The following CSMD1 variants were observed in gnomAD, a reference collection of about 807,000 sequenced individuals.
The protein encoded by CSMD1 is CUB and Sushi multiple domains 1, also known as CUB and sushi domain-containing protein 1.
In CSMD1, 213 loss-of-function variants were observed where a neutral mutation model predicts 417.5. The ratio of observed to expected loss-of-function variants is 0.51; its 90% CI spans 0.46 to 0.57. CSMD1 has a LOEUF of 0.57. CSMD1 is among the 20% of genes least tolerant of loss of function. The pLI is 0.00. For synonymous variants in CSMD1, 2,862 were observed against 1,736.8 expected (o/e 1.65, Z -16.11); for missense variants, 6,923 against 4,529.7 (o/e 1.53, Z -15.17).
At chr8:3,137,423 G>C (rs954399733) in intron 41 of CSMD1, among the ~76,000 whole-genome samples, 1 of 152,220 alleles carries the variant, frequency 6.6e-6, no homozygotes, top group African/African-American at 2.4e-5. Context: ...GAGCTCACAG[G>C]TGTGCACTGG....
intron 1 of CSMD1, among the ~76,000 whole-genome samples, chr8:4,648,747 G>A (rs2130888411): frequency 6.6e-6 from 1 of 152,204 alleles, no homozygotes; most frequent in East Asian, 1.9e-4. Flanking sequence ...GAATTTGTGG[G>A]GATGAGGGCT....
At chr8:4,744,376 G>T (rs191939974) in intron 1 of CSMD1, among the ~76,000 whole-genome samples, 1 of 152,178 alleles carries the variant, frequency 6.6e-6, no homozygotes, top group Non-Finnish European at 1.5e-5. Context: ...GTTTCGTATT[G>T]TCTCTTCTCC....
intron 41 of CSMD1, among the ~76,000 whole-genome samples, chr8:3,133,853 C>T (rs1817928412): frequency 6.6e-6 from 1 of 152,208 alleles, no homozygotes; most frequent in South Asian, 2.1e-4. Flanking sequence ...GCCTTAAAGG[C>T]CGGTCGAATT....
At chr8:4,436,567 G>C (rs114505367) in intron 2 of CSMD1, among the ~76,000 whole-genome samples, 3 of 152,060 alleles carry the variant, frequency 2.0e-5, no homozygotes, top group South Asian at 4.2e-4. Context: ...TTTTAAAATT[G>C]ACAGTTACTG....
chr8:4,087,829 C>T (rs1402547374), intron 3 of CSMD1, among the ~76,000 whole-genome samples: 1 of 152,092 alleles, frequency 6.6e-6, no homozygotes, highest in Non-Finnish European at 1.5e-5. Context: ...CCCTTTGTCA[C>T]CTAGCATAAT....
intron 5 of CSMD1, among the ~76,000 whole-genome samples, chr8:3,957,300 TA>T (rs1812021872): frequency 1.3e-5 from 2 of 152,216 alleles, no homozygotes; most frequent in African/African-American, 2.4e-5. Context: ...CCCTCAGAAA[TA>T]TTTTTTTAGT....
At chr8:4,809,530 A>G (rs1176934271) in intron 1 of CSMD1, among the ~76,000 whole-genome samples, 1 of 152,216 alleles carries the variant, frequency 6.6e-6, no homozygotes, top group Non-Finnish European at 1.5e-5. Context: ...TCTACTCTTC[A>G]GTAAAGAGGC....
At chr8:4,201,239 G>T (rs187728202) in intron 3 of CSMD1, among the ~76,000 whole-genome samples, 120 of 152,262 alleles carry the variant, frequency 7.9e-4, no homozygotes, top group African/African-American at 2.6e-3. Flanking sequence ...GAGTATGGTT[G>T]TAAGTAAAAA....
intron 2 of CSMD1, among the ~76,000 whole-genome samples, chr8:4,635,102 A>C (rs1224904748): frequency 7.2e-5 from 11 of 152,182 alleles, no homozygotes; most frequent in Admixed American, 7.2e-4. Context: ...CTCTATTTCA[A>C]ACAAAAAATT....
intron 2 of CSMD1, among the ~76,000 whole-genome samples, chr8:4,540,720 A>G (rs2130512198): frequency 6.6e-6 from 1 of 152,274 alleles, no homozygotes; most frequent in Admixed American, 6.5e-5. Flanking sequence ...ATGCTTACCA[A>G]GTGTCTAAGC....
chr8:3,685,416 A>G (rs771800585), intron 7 of CSMD1, among the ~76,000 whole-genome samples: 1 of 152,184 alleles, frequency 6.6e-6, no homozygotes, highest in Non-Finnish European at 1.5e-5. Flanking sequence ...CAGAATGCCA[A>G]TGACTGAGAT....
At chr8:4,929,236 C>CGA (rs1402000301) in intron 1 of CSMD1, among the ~76,000 whole-genome samples, 2 of 152,200 alleles carry the variant, frequency 1.3e-5, no homozygotes, top group East Asian at 3.9e-4. Flanking sequence ...TGAAAGCCAG[C>CGA]GAGAGAGGCT....
At chr8:4,717,145 A>T (rs1341804530) in intron 1 of CSMD1, among the ~76,000 whole-genome samples, 1 of 151,744 alleles carries the variant, frequency 6.6e-6, no homozygotes, top group East Asian at 1.9e-4. Flanking sequence ...TAGGAAAAAA[A>T]ACTAGGGTAT....
At chr8:3,345,651 T>G (rs1291495657) in intron 22 of CSMD1, among the ~76,000 whole-genome samples, 5 of 152,178 alleles carry the variant, frequency 3.3e-5, no homozygotes, top group Admixed American at 2.0e-4. Flanking sequence ...AGAGAAAGTC[T>G]TTGGGATTCA....
chr8:3,151,392 C>G lies in CSMD1; in HGVS notation c.6031+5G>C. ...CTTTTAGGAATTGGTAACATTTTCA[C>G]TTACCATAGCCGATGGGTAATGAGA... On this transcript the variant is annotated splice_donor_5th_base_variant and intron_variant, in intron 40 of 69. Coordinates refer to ENST00000635120, the MANE Select transcript of CSMD1 (RefSeq NM_033225.6). The G allele has an allele frequency of 6.3e-7, 1 of 1,581,488 alleles. No individual in the cohort carries two copies.
chr8:3,732,905 T>A (rs1450600676), intron 6 of CSMD1, among the ~76,000 whole-genome samples: 1 of 152,178 alleles, frequency 6.6e-6, no homozygotes, highest in Non-Finnish European at 1.5e-5. Context: ...CATCTATCTA[T>A]CTATCATCTA....
At chr8:3,423,723 G>A (rs754751834) in intron 12 of CSMD1, among the ~76,000 whole-genome samples, 1 of 152,172 alleles carries the variant, frequency 6.6e-6, no homozygotes. Context: ...GTGTGGAAAT[G>A]TGTTTTTATT....
chr8:4,078,161 T>C (rs577126626), intron 3 of CSMD1, among the ~76,000 whole-genome samples: 1 of 152,202 alleles, frequency 6.6e-6, no homozygotes, highest in Non-Finnish European at 1.5e-5. Context: ...AAATTTCCAA[T>C]GGCAATTCAG....
chr8:4,387,501 T>C (rs1327292728), intron 3 of CSMD1, among the ~76,000 whole-genome samples: 1 of 142,934 alleles, frequency 7.0e-6, no homozygotes, highest in Non-Finnish European at 1.5e-5. Context: ...GCATAATTGT[T>C]CATAAATACT....
Sources: allele counts gnomAD v4.1 joint callset (sites outside exome capture counted in the v4.1 genomes callset), GRCh38; gene constraint gnomAD v4.1.1; transcripts MANE v1.5; gene names NCBI Gene and HGNC (gene_info 2026-07-23, HGNC 2026-07-21).